The following FLNB variants were observed in gnomAD, a reference collection of about 807,000 sequenced individuals.
The protein encoded by FLNB is filamin B.
A neutral mutation model predicts 250.6 loss-of-function variants in FLNB; 111 were observed. The ratio of observed to expected loss-of-function variants is 0.44; its 90% CI spans 0.38 to 0.52. The LOEUF is 0.52. Ranked by LOEUF, FLNB falls within the 20% of genes least tolerant of loss-of-function variation. The pLI is 0.00. For missense variants in FLNB, 2,869 were observed against 3,447.8 expected (o/e 0.83, Z 4.20); for synonymous variants, 1,302 against 1,372.1 (o/e 0.95, Z 1.13).
chr3:58,079,658 CT>C (rs2097206457), intron 3 of FLNB, among the ~76,000 whole-genome samples: 1 of 152,214 alleles, frequency 6.6e-6, no homozygotes, highest in African/African-American at 2.4e-5. Flanking sequence ...AACAAGAGAA[CT>C]CAGAAATCAA....
At chr3:58,143,636 G>A (rs1439509403) in intron 32 of FLNB, 23 bp downstream of exon 32, 3 of 1,613,172 alleles carry the variant, frequency 1.9e-6, no homozygotes, top group Middle Eastern at 1.8e-4. Flanking sequence ...AGCAGGCCCA[G>A]CAGGGCTCCA....
At chr3:58,045,017 A>G (rs1163044740) in intron 1 of FLNB, among the ~76,000 whole-genome samples, 3 of 152,182 alleles carry the variant, frequency 2.0e-5, no homozygotes, top group Non-Finnish European at 4.4e-5. Flanking sequence ...TGTGGCTGCA[A>G]TGTCTGGCTT....
chr3:58,132,749 C>T, intron 25 of FLNB, 59 bp from the exon 26 acceptor site: 11 of 1,612,076 alleles, frequency 6.8e-6, no homozygotes, highest in Non-Finnish European at 9.3e-6. Context: ...CAGACTCAGC[C>T]AAGGGTGGAG....
chr3:58,125,750 A>G lies in FLNB; in HGVS notation c.4061+7A>G. On this transcript the variant is annotated splice_region_variant and intron_variant, in intron 23 of 45. Transcript: ENST00000295956. ...TCTTCACCGTGGTTACCAGGTAGGC[A>G]AGGCCCTACATTTGGTGTCTTGAGT... 1 of 1,613,982 alleles carries G rather than the reference A, an allele frequency of 6.2e-7. No individual in the cohort carries two copies. Among genetic ancestry groups the G allele is most frequent in the East Asian group, 2.2e-5 (1 of 44,892 alleles).
intron 39 of FLNB, 99 bp downstream of exon 39, chr3:58,153,740 C>CTTCT: frequency 7.3e-7 from 1 of 1,365,176 alleles, no homozygotes; most frequent in Non-Finnish European, 1.0e-6. Context: ...AAAGAGAAGA[C>CTTCT]TTCTGATAGG....
intron 1 of FLNB, among the ~76,000 whole-genome samples, chr3:58,057,951 G>A (rs918674503): frequency 6.6e-5 from 10 of 152,056 alleles, no homozygotes; most frequent in Admixed American, 5.9e-4. Flanking sequence ...CCACCACGCC[G>A]GGCTAATTTT....
intron 21 of FLNB, among the ~76,000 whole-genome samples, chr3:58,124,113 G>C (rs1013540768): frequency 5.3e-5 from 8 of 152,188 alleles, no homozygotes; most frequent in South Asian, 4.1e-4. Context: ...CTCGAGCCCG[G>C]TGTGAGCAGT....
intron 29 of FLNB, among the ~76,000 whole-genome samples, chr3:58,140,917 G>A (rs991026414): frequency 6.6e-6 from 1 of 152,096 alleles, no homozygotes; most frequent in Non-Finnish European, 1.5e-5. Context: ...GAGCATTAAA[G>A]CTAAGATTTG....
chr3:58,017,377 A>G (rs1328062184), intron 1 of FLNB, among the ~76,000 whole-genome samples: 10 of 152,248 alleles, frequency 6.6e-5, no homozygotes. Context: ...CAGCCTCCCA[A>G]GTAGCTGGGA....
chr3:58,055,057 AG>A (rs2097168290), intron 1 of FLNB, among the ~76,000 whole-genome samples: 1 of 152,178 alleles, frequency 6.6e-6, no homozygotes, highest in African/African-American at 2.4e-5. Flanking sequence ...CCTTGAGGTC[AG>A]GAGTTCAAGA....
rs2097364694 is a variant in FLNB at position 58,163,301 on chromosome 3, A to G, written c.7169A>G (p.Tyr2390Cys). The G allele has an allele frequency of 5.6e-6, 9 of 1,614,086 alleles. No homozygotes were observed. The highest frequency in any genetic ancestry group is 7.6e-6 in the Non-Finnish European group (9 of 1,180,052). The change falls in exon 43 of 46, where the codon TAT becomes TGT. Residue 2390 changes from tyrosine to cysteine, a missense_variant. Tyr to Cys is a radical substitution (Grantham distance 194, BLOSUM62 -2). Coordinates refer to ENST00000295956, the MANE Select transcript of FLNB (RefSeq NM_001457.4). ...QAGNPALVSA[Y>C]GTGLEGGTTG... Reference sequence around the variant, plus strand: ...GGGAACCCTGCCCTGGTGTCCGCCTATGGCACGGGACTCGAAGGGGGCACC... The same window carrying G: ...GGGAACCCTGCCCTGGTGTCCGCCTGTGGCACGGGACTCGAAGGGGGCACC...
At chr3:58,100,373 A>AATAAAAAAATATATATATATATAT (rs1553696175) in intron 8 of FLNB, among the ~76,000 whole-genome samples, 1 of 104,386 alleles carries the variant, frequency 9.6e-6, no homozygotes, top group African/African-American at 4.6e-5. Flanking sequence ...GTAAAAAAAA[A>AATAAAAAAATATATATATATATAT]ATATATATAT....
chr3:58,132,582 T>G (rs1424832012), intron 25 of FLNB: 4 of 604,948 alleles, frequency 6.6e-6, no homozygotes, highest in Non-Finnish European at 1.2e-5. Flanking sequence ...GAGTGTATTT[T>G]AGCCAACAAA....
At chr3:58,051,500 C>A (rs1377550776) in intron 1 of FLNB, among the ~76,000 whole-genome samples, 1 of 152,134 alleles carries the variant, frequency 6.6e-6, no homozygotes, top group African/African-American at 2.4e-5. Context: ...TGTCCATCTG[C>A]ATGTGGATAA....
rs149638325 is a variant in FLNB, at chr3:58,163,168, C to T, written c.7036C>T (p.Arg2346Cys). Residue 2346 changes from arginine (R) to cysteine (C), a missense_variant, in exon 43 of 46, where the codon CGC becomes TGC. Physicochemically the swap from Arg to Cys is radical, Grantham distance 180. This residue lies in a region of FLNB where 1,084 missense variants were observed against 1,315.5 expected (regional missense o/e 0.82). Coordinates refer to ENST00000295956, the MANE Select transcript of FLNB (RefSeq NM_001457.4). Reference protein sequence around the residue: ...SELEPDKYAVRFIPHENGVHT... With the variant: ...SELEPDKYAVCFIPHENGVHT... ...CATTCTCCTAGATAAGTATGCTGTT[C>T]GCTTCATCCCTCATGAGAATGGTGT... 99 of 1,614,018 alleles carry T rather than the reference C, an allele frequency of 6.1e-5. 1 individual carries two copies. Among genetic ancestry groups the T allele is most frequent in the Non-Finnish European group, 7.7e-5 (91 of 1,180,022 alleles).
intron 1 of FLNB, among the ~76,000 whole-genome samples, chr3:58,066,158 C>A (rs982933392): frequency 2.0e-5 from 3 of 151,914 alleles, no homozygotes; most frequent in Admixed American, 2.0e-4. Flanking sequence ...ATTGCTTTGA[C>A]CATTTTGGAG....
At chr3:58,100,304 A>G (rs2097247611) in intron 8 of FLNB, among the ~76,000 whole-genome samples, 2 of 148,818 alleles carry the variant, frequency 1.3e-5, no homozygotes, top group Admixed American at 1.3e-4. Flanking sequence ...CATTTAATGA[A>G]TAACCTTTTT....
rs150475174 is a variant in FLNB at position 58,123,375 on chromosome 3, G to T, written c.3409G>T (p.Val1137Leu). 8.1e-5 allele frequency: 130 copies of T among 1,613,958 alleles called. No individual in the cohort carries two copies. Among genetic ancestry groups the T allele is most frequent in the Non-Finnish European group, 1.0e-4 (118 of 1,180,022 alleles). ...AATGCCCTTTGACCCCTCTAAAGTCGTGGCATCGGGGCCAGGTCTCGAGCA... is the reference window on the plus strand; with the variant it reads ...AATGCCCTTTGACCCCTCTAAAGTCTTGGCATCGGGGCCAGGTCTCGAGCA... ...IEMPFDPSKV[V>L]ASGPGLEHGK... is the part of the protein sequence containing the mutation. Residue 1137 changes from valine (V) to leucine (L), a missense_variant, in exon 21 of 46, where the codon GTG becomes TTG. Around this residue, in one of 5 missense-constraint regions of FLNB, gnomAD observed 1,348 missense variants for 1,466.7 expected, o/e 0.92. Coordinates refer to ENST00000295956, the MANE Select transcript of FLNB (RefSeq NM_001457.4).
chr3:58,124,475 T>C lies in FLNB; in HGVS notation c.3868T>C (p.Tyr1290His). 6.2e-7 allele frequency: 1 copy of C among 1,614,220 alleles called. No individual in the cohort carries two copies. The highest frequency in any genetic ancestry group is 8.5e-7 in the Non-Finnish European group (1 of 1,180,016). ...TGTCACAGACAATGCGGATGGGACC[T>C]ACCAGGTGGAATACACACCCTTTGA... Reference protein sequence around the residue: ...CFVTDNADGTYQVEYTPFEKG... With the variant: ...CFVTDNADGTHQVEYTPFEKG... The change falls in exon 22 of 46, where the codon TAC becomes CAC. Residue 1290 changes from tyrosine (Y) to histidine (H), a missense_variant. Around this residue, in one of 5 missense-constraint regions of FLNB, gnomAD observed 1,348 missense variants for 1,466.7 expected, o/e 0.92. Transcript: ENST00000295956.
Sources: allele counts gnomAD v4.1 joint callset (sites outside exome capture counted in the v4.1 genomes callset), GRCh38; gene constraint gnomAD v4.1.1; regional missense constraint gnomAD v4.1.1; transcripts MANE v1.5; gene names NCBI Gene and HGNC (gene_info 2026-07-23, HGNC 2026-07-21).